Variants in CSNK1G1 observed in about 807,000 individuals in gnomAD.
CSNK1G1 encodes the protein casein kinase I isoform gamma-1.
In CSNK1G1, 22 loss-of-function variants were observed where a neutral mutation model predicts 59.6. The observed-to-expected ratio is 0.37, with a 90% CI of 0.26 to 0.53. CSNK1G1 has a LOEUF of 0.53. Among genes scored for constraint, CSNK1G1 ranks in the 20% least tolerant of loss-of-function variants. CSNK1G1 has a pLI of 0.89. For synonymous variants in CSNK1G1, 179 were observed against 177.1 expected (o/e 1.01, Z -0.08); for missense variants, 384 against 519.5 (o/e 0.74, Z 2.54).
chr15:64,225,722 G>T (rs2140282579), intron 4 of CSNK1G1, among the ~76,000 whole-genome samples: 1 of 152,292 alleles, frequency 6.6e-6, no homozygotes, highest in African/African-American at 2.4e-5. Context: ...TGCCTCCCAA[G>T]TTCAACTGAT....
At chr15:64,345,504 T>C (rs1645480876) in intron 1 of CSNK1G1, among the ~76,000 whole-genome samples, 1 of 152,198 alleles carries the variant, frequency 6.6e-6, no homozygotes, top group African/African-American at 2.4e-5. Flanking sequence ...ATTCTGCATT[T>C]AAATTTCCTA....
chr15:64,295,131 CAT>C (rs1750428318), intron 2 of CSNK1G1, among the ~76,000 whole-genome samples: 1 of 152,044 alleles, frequency 6.6e-6, no homozygotes, highest in African/African-American at 2.4e-5. Flanking sequence ...TGCATTTCTG[CAT>C]ATGTGTCACC....
At position 64,278,432 on chromosome 15, in the gene CSNK1G1, A is replaced by ATT. The variant is rs774402095; in HGVS notation, c.182-19193_182-19192dup. Among the ~76,000 whole-genome samples the ATT allele has an allele frequency of 5.9e-3, 758 of 127,926 alleles. 10 individuals are homozygous for ATT. Among genetic ancestry groups the ATT allele is most frequent in the South Asian group, 0.013 (56 of 4,266 alleles). The allele number at this position is 127,926 out of a possible 152,430, so 83.9% of individuals were successfully genotyped here. A position where few individuals can be genotyped will look rare whatever the true frequency, so the allele number is the denominator to read the frequency against. The stretch of plus-strand genomic sequence containing the variant: ...TGTGTGTGTGTGTATATATATATAT[A>ATT]TTTTTTTTTTTTTGGACACAGAGTC... On this transcript the variant is annotated intron_variant, in intron 2 of 11. Coordinates refer to ENST00000303052, the MANE Select transcript of CSNK1G1 (RefSeq NM_022048.5).
intron 5 of CSNK1G1, among the ~76,000 whole-genome samples, chr15:64,215,147 T>C (rs560671564): frequency 6.7e-6 from 1 of 150,156 alleles, no homozygotes; most frequent in African/African-American, 2.4e-5. Context: ...AAAATAATAA[T>C]CATAAAAGCA....
intron 2 of CSNK1G1, among the ~76,000 whole-genome samples, chr15:64,270,148 T>C (rs1377887913): frequency 1.3e-5 from 2 of 152,194 alleles, no homozygotes; most frequent in Non-Finnish European, 2.9e-5. Context: ...AGTGGTAACA[T>C]CCCCTTCATA....
chr15:64,313,596 G>GT (rs1354847800), intron 1 of CSNK1G1, among the ~76,000 whole-genome samples: 1 of 152,064 alleles, frequency 6.6e-6, no homozygotes, highest in Non-Finnish European at 1.5e-5. Context: ...ACTGGGGCCT[G>GT]TTGGGGGGTG....
intron 4 of CSNK1G1, among the ~76,000 whole-genome samples, chr15:64,224,842 T>C (rs1433547386): frequency 1.3e-5 from 2 of 152,076 alleles, no homozygotes; most frequent in East Asian, 1.9e-4. Context: ...GCCACAGACA[T>C]TGAGCTTTAA....
chr15:64,272,486 G>A (rs558105214), intron 2 of CSNK1G1, among the ~76,000 whole-genome samples: 1 of 151,454 alleles, frequency 6.6e-6, no homozygotes, highest in East Asian at 2.0e-4. Context: ...CAAAGTGCTG[G>A]GATTACAGGT....
Position 64,165,910 on chromosome 15 carries a change from G to A in CSNK1G1, c.*6021C>T. The A allele has an allele frequency of 1.9e-6, 1 of 523,062 alleles. No individual in the cohort carries two copies. The highest frequency in any genetic ancestry group is 2.8e-5 in the South Asian group (1 of 36,046). 32.4% of individuals were successfully genotyped at this position (523,062 alleles called of 1,614,324 possible). ...GAACCCATTTTCCATTTTCTCCAAA[G>A]AAGGCTACTTCCTCTGCAGAGAAGA... On this transcript the variant is annotated 3_prime_UTR_variant, in exon 12 of 12. Transcript: ENST00000303052.
chr15:64,192,249 C>T (rs2081981557), intron 10 of CSNK1G1, among the ~76,000 whole-genome samples: 1 of 152,208 alleles, frequency 6.6e-6, no homozygotes, highest in Non-Finnish European at 1.5e-5. Flanking sequence ...GTCAATTTCT[C>T]TGCATTACTT....
intron 10 of CSNK1G1, among the ~76,000 whole-genome samples, chr15:64,184,788 T>C (rs2081868508): frequency 6.6e-6 from 1 of 152,132 alleles, no homozygotes. Flanking sequence ...GACCAATTAA[T>C]ATCTTAAAGC....
At position 64,234,955 on chromosome 15, in the gene CSNK1G1, G is replaced by A. The variant is rs546978755; in HGVS notation, c.292+16557C>T. ...TTAAATTGAGGAGAAGGGCTATGCA[G>A]GAGGCCTTTTCCCACAAAATACAAG... On this transcript the variant is annotated intron_variant, in intron 4 of 11. Transcript: ENST00000303052. 4.1e-4 allele frequency among the ~76,000 whole-genome samples: 63 copies of A among 152,216 alleles called. 2 individuals carry two copies. In the South Asian group the frequency reaches 0.013, roughly 31 times the overall value.
chr15:64,349,763 T>C (rs1480850729), intron 1 of CSNK1G1, among the ~76,000 whole-genome samples: 1 of 152,022 alleles, frequency 6.6e-6, no homozygotes, highest in Non-Finnish European at 1.5e-5. Flanking sequence ...CCCAAAAGCC[T>C]GCCGTCAGAA....
chr15:64,343,257 TTC>T (rs1897775600), intron 1 of CSNK1G1, among the ~76,000 whole-genome samples: 1 of 30,530 alleles, frequency 3.3e-5, no homozygotes, highest in African/African-American at 8.1e-5. Context: ...ATAGACCCCA[TTC>T]TGCCTCTGTA....
At chr15:64,250,751 CAAGA>C (rs979834233) in intron 4 of CSNK1G1, among the ~76,000 whole-genome samples, 2 of 145,224 alleles carry the variant, frequency 1.4e-5, no homozygotes, top group Non-Finnish European at 3.0e-5. Flanking sequence ...GTCTCCAAAA[CAAGA>C]AAGAAAGAAA....
At chr15:64,320,631 A>G (rs891168990) in intron 1 of CSNK1G1, among the ~76,000 whole-genome samples, 1 of 149,392 alleles carries the variant, frequency 6.7e-6, no homozygotes, top group African/African-American at 2.5e-5. Context: ...GTGAGCTGAG[A>G]TCGTGTCAAT....
At chr15:64,189,062 G>C (rs944152288) in intron 10 of CSNK1G1, among the ~76,000 whole-genome samples, 1 of 152,126 alleles carries the variant, frequency 6.6e-6, no homozygotes, top group Non-Finnish European at 1.5e-5. Flanking sequence ...GGAGGTGGAG[G>C]TTGCAGTGAG....
intron 3 of CSNK1G1, among the ~76,000 whole-genome samples, chr15:64,255,515 A>G (rs1023008849): frequency 7.2e-5 from 11 of 152,130 alleles, no homozygotes; most frequent in African/African-American, 2.4e-4. Context: ...ACTTAAGCCT[A>G]TTTTTCTTAA....
intron 1 of CSNK1G1, among the ~76,000 whole-genome samples, chr15:64,304,822 C>T (rs551176296): frequency 1.3e-5 from 2 of 152,288 alleles, no homozygotes; most frequent in East Asian, 1.9e-4. Flanking sequence ...TCTTACACAA[C>T]TTATGATGAA....
Sources: gnomAD v4.1 joint callset for allele counts (sites outside exome capture counted in the v4.1 genomes callset) on GRCh38, gnomAD v4.1.1 for gene constraint, MANE v1.5 for transcripts, NCBI Gene and HGNC (gene_info 2026-07-23, HGNC 2026-07-21) for gene names.